The following STIMATE variants were observed in gnomAD, a reference collection of about 807,000 sequenced individuals.
STIMATE encodes the protein STIM activating enhancer.
Under a neutral mutation model 36.7 loss-of-function variants are expected in STIMATE, and 15 were observed. The ratio of observed to expected loss-of-function variants is 0.41; its 90% confidence interval spans 0.27 to 0.63. The LOEUF (loss-of-function observed/expected upper bound fraction) is 0.63. Among genes scored for constraint, STIMATE ranks in the 20% least tolerant of loss-of-function variants. The pLI, the probability that STIMATE is intolerant of heterozygous loss-of-function variation, is 0.32. For missense variants in STIMATE, 305 were observed against 397.3 expected (o/e 0.77, Z 1.98); for synonymous variants, 163 against 162.3 (o/e 1.00, Z -0.03).
chr3:52,897,120 T>C (rs913536697), intron 1 of STIMATE, among the ~76,000 whole-genome samples, 171 bp downstream of exon 1: 2 of 151,698 alleles, frequency 1.3e-5, no homozygotes, highest in Non-Finnish European at 2.9e-5. Flanking sequence ...CCACAGCGAG[T>C]AGGTGAGGGG....
intron 1 of STIMATE, among the ~76,000 whole-genome samples, chr3:52,866,873 G>A (rs1036571328): frequency 3.3e-5 from 5 of 152,224 alleles, no homozygotes; most frequent in African/African-American, 9.6e-5. Context: ...TAGAAACTGA[G>A]TCAAAAAGCA....
intron 1 of STIMATE, among the ~76,000 whole-genome samples, chr3:52,896,372 G>GCAGT (rs1701865005): frequency 6.6e-6 from 1 of 152,010 alleles, no homozygotes; most frequent in Non-Finnish European, 1.5e-5. Context: ...CCCCTAAAAC[G>GCAGT]CAGTCACAAG....
chr3:52,874,451 C>T (rs1221767727), intron 1 of STIMATE, among the ~76,000 whole-genome samples: 1 of 152,184 alleles, frequency 6.6e-6, no homozygotes, highest in Middle Eastern at 3.2e-3. Context: ...AAACTATTAA[C>T]CATGGTTAGC....
intron 1 of STIMATE, among the ~76,000 whole-genome samples, chr3:52,862,595 T>A (rs529447376): frequency 6.6e-6 from 1 of 152,226 alleles, no homozygotes; most frequent in Admixed American, 6.5e-5. Flanking sequence ...AGTAGTGTTG[T>A]ATGGTATTTT....
At chr3:52,847,916 A>G (rs919713387) in intron 4 of STIMATE, among the ~76,000 whole-genome samples, 1 of 152,162 alleles carries the variant, frequency 6.6e-6, no homozygotes, top group Non-Finnish European at 1.5e-5. Context: ...GTTGGCTTGG[A>G]CGACGGAAGG....
intron 1 of STIMATE, among the ~76,000 whole-genome samples, chr3:52,871,018 C>T (rs986559865): frequency 9.2e-5 from 14 of 152,034 alleles, no homozygotes; most frequent in Non-Finnish European, 1.9e-4. Flanking sequence ...TTGCCCAATT[C>T]CCCAGCAACC....
At chr3:52,849,603 G>C (rs1196992568) in intron 4 of STIMATE, among the ~76,000 whole-genome samples, 189 bp downstream of exon 4, 1 of 147,772 alleles carries the variant, frequency 6.8e-6, no homozygotes, top group Admixed American at 6.9e-5. Context: ...GGGCCTTGGT[G>C]GTAAAGCAGG....
intron 1 of STIMATE, among the ~76,000 whole-genome samples, chr3:52,885,166 G>A (rs777211474): frequency 6.6e-6 from 1 of 152,134 alleles, no homozygotes; most frequent in Non-Finnish European, 1.5e-5. Context: ...TTCCTGATGA[G>A]TAATGATATT....
chr3:52,875,493 G>A (rs1701488098), intron 1 of STIMATE, among the ~76,000 whole-genome samples: 2 of 152,186 alleles, frequency 1.3e-5, no homozygotes, highest in South Asian at 2.1e-4. Context: ...ACAGCAAATC[G>A]CAGGTTAGAT....
intron 2 of STIMATE, among the ~76,000 whole-genome samples, chr3:52,853,900 G>C (rs1317519186): frequency 6.6e-6 from 1 of 152,214 alleles, no homozygotes; most frequent in Non-Finnish European, 1.5e-5. Context: ...GCTTCTTGTG[G>C]ACACAGTGCT....
intron 1 of STIMATE, among the ~76,000 whole-genome samples, chr3:52,892,174 T>G (rs993658252): frequency 8.5e-5 from 13 of 152,194 alleles, no homozygotes; most frequent in African/African-American, 2.9e-4. Context: ...AGCAGAAGCA[T>G]GAGAGGCCCC....
Position 52,836,742 on chromosome 3 carries a change from A to T in STIMATE, c.*3752T>A, listed in dbSNP as rs4687664. 1.3e-5 allele frequency: 5 copies of T among 372,856 alleles called. No individual in the cohort carries two copies. The highest frequency in any genetic ancestry group is 3.4e-5 in the Admixed American group (1 of 29,370). The allele number at this position is 372,856 out of a possible 1,614,324, so 23.1% of individuals were successfully genotyped here. On this transcript the variant is annotated 3_prime_UTR_variant, in exon 8 of 8. Transcript: ENST00000355083. ...ACCACAAATGTGATGGTTTCTTTTT[A>T]AAAAAAACTGTAATAAGATGCCAAA...
At chr3:52,888,048 G>A (rs56833579) in intron 1 of STIMATE, among the ~76,000 whole-genome samples, 1 of 102,224 alleles carries the variant, frequency 9.8e-6, no homozygotes, top group South Asian at 3.5e-4. Flanking sequence ...GTTTCTCAAA[G>A]AAATCTGAAG....
Position 52,840,172 on chromosome 3 carries a change from A to ACACGGGGC in STIMATE, c.*314_*321dup, listed in dbSNP as rs1481985327. 1.9e-5 allele frequency: 3 copies of ACACGGGGC among 160,764 alleles called. No individual in the cohort carries two copies. Among genetic ancestry groups the ACACGGGGC allele is most frequent in the African/African-American group, 7.2e-5 (3 of 41,646 alleles). 10.0% of individuals were successfully genotyped at this position (160,764 alleles called of 1,614,324 possible). Reference sequence around the variant, plus strand: ...TTCCACCTTGCCACTCGGTGGTCGGACACGGGGCAGGGCCTCAGGTCCCTC... The same window carrying ACACGGGGC: ...TTCCACCTTGCCACTCGGTGGTCGGACACGGGGCCACGGGGCAGGGCCTCAGGTCCCTC... On this transcript the variant is annotated 3_prime_UTR_variant, in exon 8 of 8. Transcript: ENST00000355083.
At chr3:52,873,906 G>A (rs1036168991) in intron 1 of STIMATE, among the ~76,000 whole-genome samples, 3 of 152,112 alleles carry the variant, frequency 2.0e-5, no homozygotes, top group Non-Finnish European at 4.4e-5. Context: ...CAATTCCCTG[G>A]ACAAATAAAT....
chr3:52,878,944 C>G (rs1197650967), intron 1 of STIMATE, among the ~76,000 whole-genome samples: 1 of 152,182 alleles, frequency 6.6e-6, no homozygotes, highest in Non-Finnish European at 1.5e-5. Context: ...ACGGATGTTG[C>G]GATAGCATCC....
chr3:52,862,621 T>A (rs1347851189), intron 1 of STIMATE, among the ~76,000 whole-genome samples: 1 of 152,278 alleles, frequency 6.6e-6, no homozygotes, highest in East Asian at 1.9e-4. Context: ...ATCTCTCTTC[T>A]TTCAATTTTA....
In STIMATE at chr3:52,844,896, T is replaced by C; in HGVS notation, c.473A>G (p.Tyr158Cys). The change falls in exon 5 of 8, where the codon TAC (tyrosine) becomes TGC (cysteine). Residue 158 changes from tyrosine (Y) to cysteine (C), a missense_variant. Physicochemically the swap from Tyr to Cys is radical, Grantham distance 194. Coordinates refer to ENST00000355083, the MANE Select transcript of STIMATE (RefSeq NM_198563.5). Reference protein sequence around the residue: ...CGAWVGQCALYIVIMIFEKSV... With the variant: ...CGAWVGQCALCIVIMIFEKSV... ...CTTTTCAAAAATCATGATCACGATG[T>C]AAAGAGCGCACTGCCCGACCCAGGC... The C allele has an allele frequency of 6.2e-7, 1 of 1,614,092 alleles. No homozygotes were observed. The highest frequency in any genetic ancestry group is 8.5e-7 in the Non-Finnish European group (1 of 1,180,020).
chr3:52,855,737 G>A (rs1356122267), intron 1 of STIMATE, among the ~76,000 whole-genome samples: 2 of 152,194 alleles, frequency 1.3e-5, no homozygotes, highest in African/African-American at 2.4e-5. Context: ...GATAAGGATT[G>A]GTAATGACAA....
Sources: gnomAD v4.1 joint callset for allele counts (sites outside exome capture counted in the v4.1 genomes callset) on GRCh38, gnomAD v4.1.1 for gene constraint, MANE v1.5 for transcripts, NCBI Gene and HGNC (gene_info 2026-07-23, HGNC 2026-07-21) for gene names.